ZNF90: variants seen among roughly 807,000 people sequenced by gnomAD.
The protein encoded by ZNF90 is zinc finger protein HTF9.
ZNF90 carries 11 observed loss-of-function variants against 12.0 expected under a neutral mutation model. That is an observed-to-expected ratio of 0.92 (90% CI 0.58 to 1.52). The LOEUF is 1.52. Among genes scored for constraint, ZNF90 ranks in the 40% most tolerant of loss-of-function variants. The pLI, the probability that ZNF90 is intolerant of heterozygous loss-of-function variation, is 0.00. For synonymous variants in ZNF90, 232 were observed against 240.1 expected (o/e 0.97, Z 0.31); for missense variants, 765 against 711.5 (o/e 1.08, Z -0.86).
At chr19:20,078,303 C>CGCCGACA (rs2088792997) in intron 1 of ZNF90, among the ~76,000 whole-genome samples, 168 bp downstream of exon 1, 1 of 152,184 alleles carries the variant, frequency 6.6e-6, no homozygotes, top group African/African-American at 2.4e-5. Flanking sequence ...ATGGCAACAG[C>CGCCGACA]GCCGACAGCC....
At chr19:20,093,354 G>T (rs1352915684) in intron 1 of ZNF90, among the ~76,000 whole-genome samples, 1 of 152,156 alleles carries the variant, frequency 6.6e-6, no homozygotes, top group Non-Finnish European at 1.5e-5. Context: ...GCATGCTGTG[G>T]GATGGAATAT....
chr19:20,119,135 T>TA lies in ZNF90; in HGVS notation c.1583dup (p.Ile529AspfsTer12), dbSNP rs782156630. ...AGCGCTCCTCAGTCCTTAGTAAACA[T>TA]AAGATAATTCATACTGGAGCGAAAC... On this transcript the variant is annotated frameshift_variant, in exon 4 of 4. Transcript: ENST00000418063. LOFTEE classifies it low-confidence loss of function (END_TRUNC). The TA allele has an allele frequency of 3.3e-4, 532 of 1,613,058 alleles. No individual in the cohort carries two copies. Among genetic ancestry groups the TA allele is most frequent in the Non-Finnish European group, 4.2e-4 (498 of 1,179,646 alleles).
rs2089157735 is a variant in ZNF90 at position 20,118,163 on chromosome 19, T to G, written c.609T>G (p.Cys203Trp). 2.5e-6 allele frequency: 4 copies of G among 1,610,592 alleles called. No individual in the cohort carries two copies. The highest frequency in any genetic ancestry group is 3.4e-6 in the Non-Finnish European group (4 of 1,178,078). Residue 203 changes from cysteine to tryptophan, a missense_variant, in exon 4 of 4, where the codon TGT (cysteine) becomes TGG (tryptophan). Physicochemically the swap from Cys to Trp is radical, Grantham distance 215 (BLOSUM62 -2). Coordinates refer to ENST00000418063, the MANE Select transcript of ZNF90 (RefSeq NM_007138.2). ...ATACTGGAGAGATAACCTGCAAATGTGAAGAATGTGGCAAAGCCTTCAACA... is the reference window on the plus strand; with the variant it reads ...ATACTGGAGAGATAACCTGCAAATGGGAAGAATGTGGCAAAGCCTTCAACA... ...KIHTGEITCK[C>W]EECGKAFNRS...
intron 3 of ZNF90, among the ~76,000 whole-genome samples, chr19:20,115,966 T>A (rs1433628932): frequency 1.3e-5 from 2 of 152,080 alleles, no homozygotes; most frequent in Non-Finnish European, 2.9e-5. Flanking sequence ...CTCTGCCTCC[T>A]AGGTTCAAGC....
chr19:20,098,538 T>C (rs1037613650), intron 1 of ZNF90, among the ~76,000 whole-genome samples: 7 of 152,180 alleles, frequency 4.6e-5, no homozygotes, highest in Non-Finnish European at 8.8e-5. Flanking sequence ...AATGTGATAC[T>C]GGAGTAGAGT....
chr19:20,083,041 A>C (rs1413761877), intron 1 of ZNF90, among the ~76,000 whole-genome samples: 1 of 152,124 alleles, frequency 6.6e-6, no homozygotes, highest in African/African-American at 2.4e-5. Flanking sequence ...ACATTTCTTC[A>C]CGTTTTCCTG....
At chr19:20,093,877 T>C (rs2088922042) in intron 1 of ZNF90, among the ~76,000 whole-genome samples, 1 of 138,300 alleles carries the variant, frequency 7.2e-6, no homozygotes, top group Non-Finnish European at 1.7e-5. Flanking sequence ...TCGGGCAATG[T>C]CAATCTTCAG....
At chr19:20,107,681 A>G (rs1055272397) in intron 3 of ZNF90, among the ~76,000 whole-genome samples, 4 of 152,158 alleles carry the variant, frequency 2.6e-5, no homozygotes, top group African/African-American at 7.2e-5. Flanking sequence ...AAATAGGACA[A>G]TTTAACTCTT....
Position 20,105,293 on chromosome 19 carries a change from A to C in ZNF90, c.203A>C (p.His68Pro), listed in dbSNP as rs1296057781. Reference protein sequence around the residue: ...QGKKPFTVKRHEMIAKSPVMC... With the variant: ...QGKKPFTVKRPEMIAKSPVMC... ...AAAAAACCCTTCACTGTGAAGAGACATGAGATGATTGCCAAATCCCCAGGT... is the reference window on the plus strand; with the variant it reads ...AAAAAACCCTTCACTGTGAAGAGACCTGAGATGATTGCCAAATCCCCAGGT... Residue 68 changes from histidine (H) to proline (P), a missense_variant, in exon 3 of 4, where the codon CAT becomes CCT. Coordinates refer to ENST00000418063, the MANE Select transcript of ZNF90 (RefSeq NM_007138.2). 1 of 1,607,420 alleles carries C rather than the reference A, an allele frequency of 6.2e-7. No individual in the cohort carries two copies. The highest frequency in any genetic ancestry group is 8.5e-7 in the Non-Finnish European group (1 of 1,176,218).
At chr19:20,103,288 C>T (rs2089004910) in intron 1 of ZNF90, among the ~76,000 whole-genome samples, 1 of 152,166 alleles carries the variant, frequency 6.6e-6, no homozygotes, top group Non-Finnish European at 1.5e-5. Context: ...TGTTCTGCTA[C>T]TTGAGATAAT....
Position 20,105,261 on chromosome 19 carries a change from G to A in ZNF90, c.171G>A (p.Glu57=). The change falls in exon 3 of 4, where the codon GAG becomes GAA. Residue 57 remains glutamate (E), a synonymous_variant. Coordinates refer to ENST00000418063, the MANE Select transcript of ZNF90 (RefSeq NM_007138.2). ...AGCCAGACCTGATCACCTGTCTGGA[G>A]CAAGGAAAAAAACCCTTCACTGTGA... ...VTKPDLITCL[E]QGKKPFTVKR... 2 of 1,607,638 alleles carry A rather than the reference G, an allele frequency of 1.2e-6. No individual in the cohort carries two copies. The highest frequency in any genetic ancestry group is 2.2e-5 in the East Asian group (1 of 44,608).
intron 1 of ZNF90, among the ~76,000 whole-genome samples, chr19:20,084,399 A>G (rs2088843756): frequency 6.6e-6 from 1 of 152,136 alleles, no homozygotes; most frequent in South Asian, 2.1e-4. Flanking sequence ...ATTGATAGGC[A>G]TTTACAGCCT....
At position 20,092,518 on chromosome 19, in the gene ZNF90, G is replaced by C. The variant is rs1331956886; in HGVS notation, c.4-11721G>C. Among the ~76,000 whole-genome samples the C allele has an allele frequency of 2.6e-5, 4 of 152,172 alleles. No homozygotes were observed. In the South Asian group the frequency reaches 6.2e-4, roughly 24 times the overall value. On this transcript the variant is annotated intron_variant, in intron 1 of 3. Transcript: ENST00000418063. ...GGGCAGTCTCTAAAGCTGTCTTCAA[G>C]GAATGGAAAGAGGAGTGGGGAAAGG...
At position 20,120,129 on chromosome 19, in the gene ZNF90, A is replaced by C. The variant is rs1478510411; in HGVS notation, c.*769A>C. On this transcript the variant is annotated 3_prime_UTR_variant, in exon 4 of 4. Coordinates refer to ENST00000418063, the MANE Select transcript of ZNF90 (RefSeq NM_007138.2). ...CCTACAAGTGTGAAGAATGTGGGAAAACTTTTTAATCAGTGCATACACCTT... is the reference window on the plus strand; with the variant it reads ...CCTACAAGTGTGAAGAATGTGGGAACACTTTTTAATCAGTGCATACACCTT... Among the ~76,000 whole-genome samples the C allele has an allele frequency of 2.6e-5, 4 of 152,224 alleles. No individual in the cohort carries two copies. Among genetic ancestry groups the C allele is most frequent in the Non-Finnish European group, 5.9e-5 (4 of 68,036 alleles).
chr19:20,119,032 C>T lies in ZNF90; in HGVS notation c.1478C>T (p.Ser493Phe), dbSNP rs1555706231. The T allele has an allele frequency of 6.2e-7, 1 of 1,607,318 alleles. No homozygotes were observed. The highest frequency in any genetic ancestry group is 1.7e-5 in the Admixed American group (1 of 58,656). The change falls in exon 4 of 4, where the codon TCC becomes TTC. Residue 493 changes from serine to phenylalanine, a missense_variant. Coordinates refer to ENST00000418063, the MANE Select transcript of ZNF90 (RefSeq NM_007138.2). ...CQECDKAFKY[S>F]SALSTHKIIH... is the part of the protein sequence containing the mutation. Reference sequence around the variant, plus strand: ...GAATGTGACAAAGCCTTCAAGTACTCCTCAGCCCTTAGCACACATAAGATA... The same window carrying T: ...GAATGTGACAAAGCCTTCAAGTACTTCTCAGCCCTTAGCACACATAAGATA...
chr19:20,104,473 A>T, intron 2 of ZNF90, 108 bp downstream of exon 2: 1 of 1,265,842 alleles, frequency 7.9e-7, no homozygotes, highest in South Asian at 1.9e-5. Flanking sequence ...AGAGTTTTAG[A>T]TCCCCCTTTT....
chr19:20,085,268 C>CTTTTTTTTTTCTTTTTTT lies in ZNF90; in HGVS notation c.3+7143_3+7144insCTTTTTTTTTTTTTTTTT, dbSNP rs56068843. ...GGCCTCTCTGTTCTGTTGCATTGGT[C>CTTTTTTTTTTCTTTTTTT]TTTTTTTTTTAGACGGAGTCTCGCT... is the stretch of plus-strand genomic sequence containing the variant. On this transcript the variant is annotated intron_variant, in intron 1 of 3. Transcript: ENST00000418063. 6.3e-4 allele frequency among the ~76,000 whole-genome samples: 85 copies of CTTTTTTTTTTCTTTTTTT among 135,566 alleles called. 4 individuals are homozygous for CTTTTTTTTTTCTTTTTTT. The highest frequency in any genetic ancestry group is 1.4e-3 in the African/African-American group (49 of 34,216). 88.9% of individuals were successfully genotyped at this position (135,566 alleles called of 152,430 possible).
intron 1 of ZNF90, chr19:20,080,389 C>G: frequency 2.4e-6 from 1 of 418,738 alleles, no homozygotes; most frequent in Non-Finnish European, 4.7e-6. Flanking sequence ...TTCTTCTTAC[C>G]TCCCCACAAA....
chr19:20,110,495 AC>A (rs2089079210), intron 3 of ZNF90, among the ~76,000 whole-genome samples: 1 of 152,026 alleles, frequency 6.6e-6, no homozygotes, highest in African/African-American at 2.4e-5. Context: ...CAGACTCCTG[AC>A]GTCAGGTGAT....
Sources: allele counts gnomAD v4.1 joint callset (sites outside exome capture counted in the v4.1 genomes callset), GRCh38; gene constraint gnomAD v4.1.1; transcripts MANE v1.5; gene names NCBI Gene and HGNC (gene_info 2026-07-23, HGNC 2026-07-21).